Variants in BCKDHB observed in about 807,000 individuals in gnomAD.
BCKDHB encodes the protein 2-oxoisovalerate dehydrogenase subunit beta, mitochondrial.
Under a neutral mutation model 48.5 loss-of-function variants are expected in BCKDHB, and 41 were observed. The ratio of observed to expected loss-of-function variants is 0.85; its 90% CI spans 0.66 to 1.10. The LOEUF (loss-of-function observed/expected upper bound fraction) is 1.10, where lower values mean the gene tolerates loss of function less well. Ranked by LOEUF, BCKDHB falls within the 50% of genes least tolerant of loss-of-function variation. BCKDHB has a pLI of 0.00. For synonymous variants in BCKDHB, 201 were observed against 174.8 expected (o/e 1.15, Z -1.18); for missense variants, 496 against 494.2 (o/e 1.00, Z -0.03).
At chr6:80,163,032 C>T (rs1298737203) in intron 3 of BCKDHB, among the ~76,000 whole-genome samples, 5 of 151,836 alleles carry the variant, frequency 3.3e-5, no homozygotes, top group Non-Finnish European at 7.4e-5. Context: ...AAATGATCCT[C>T]CCACCTTAGC....
the BCKDHB span, among the ~76,000 whole-genome samples, chr6:80,353,015 A>T: frequency 3.9e-5 from 6 of 152,222 alleles, no homozygotes; most frequent in African/African-American, 7.2e-5. Context: ...CAGATAACAT[A>T]CATTGTACCC....
chr6:80,255,601 A>G (rs1777016683), intron 8 of BCKDHB, among the ~76,000 whole-genome samples: 1 of 152,168 alleles, frequency 6.6e-6, no homozygotes, highest in South Asian at 2.1e-4. Context: ...TAATGTGGAG[A>G]AAATAATCAG....
At chr6:80,415,871 G>A in the BCKDHB span, among the ~76,000 whole-genome samples, 1 of 151,628 alleles carries the variant, frequency 6.6e-6, no homozygotes, top group Non-Finnish European at 1.5e-5. Flanking sequence ...TGTAAATGTT[G>A]TAGAATTCAC....
At chr6:80,438,574 A>C in the BCKDHB span, among the ~76,000 whole-genome samples, 41 of 152,232 alleles carry the variant, frequency 2.7e-4, no homozygotes, top group Non-Finnish European at 5.4e-4. Flanking sequence ...TGAAATTCCA[A>C]GATTCCTCAT....
chr6:80,144,470 G>A (rs955646351), intron 3 of BCKDHB, among the ~76,000 whole-genome samples: 1 of 152,110 alleles, frequency 6.6e-6, no homozygotes, highest in African/African-American at 2.4e-5. Flanking sequence ...TACATTTAAT[G>A]CACTAGTTGT....
downstream of BCKDHB, among the ~76,000 whole-genome samples, chr6:80,346,617 T>G (rs973206687): frequency 4.6e-5 from 7 of 152,164 alleles, no homozygotes; most frequent in African/African-American, 1.7e-4. Flanking sequence ...AACTGCCAAG[T>G]TTTAGCTGTA....
intron 3 of BCKDHB, among the ~76,000 whole-genome samples, chr6:80,135,311 G>A (rs1770831685): frequency 1.3e-5 from 2 of 151,946 alleles, no homozygotes; most frequent in Non-Finnish European, 2.9e-5. Context: ...GAAAAAAACA[G>A]GATAAAATTC....
the BCKDHB span, among the ~76,000 whole-genome samples, chr6:80,396,639 T>C: frequency 5.3e-5 from 8 of 152,210 alleles, no homozygotes; most frequent in Non-Finnish European, 8.8e-5. Context: ...TGGGAGATAA[T>C]TGAATCACGG....
the BCKDHB span, among the ~76,000 whole-genome samples, chr6:80,384,286 TC>T: frequency 6.6e-6 from 1 of 151,850 alleles, no homozygotes; most frequent in Non-Finnish European, 1.5e-5. Context: ...CACAGGTTTC[TC>T]CCATGCTGGA....
chr6:80,236,526 A>T (rs1776153905), intron 8 of BCKDHB, among the ~76,000 whole-genome samples: 1 of 152,258 alleles, frequency 6.6e-6, no homozygotes, highest in East Asian at 1.9e-4. Flanking sequence ...TATTGTTTAC[A>T]TGGGTAAAAA....
intron 3 of BCKDHB, among the ~76,000 whole-genome samples, chr6:80,162,123 T>C (rs1197807820): frequency 6.6e-6 from 1 of 152,192 alleles, no homozygotes; most frequent in African/African-American, 2.4e-5. Flanking sequence ...GGGGCACTCA[T>C]GTTGCCTGCC....
intron 9 of BCKDHB, among the ~76,000 whole-genome samples, chr6:80,315,773 C>T (rs917056302): frequency 7.2e-5 from 11 of 152,082 alleles, no homozygotes; most frequent in Admixed American, 5.2e-4. Flanking sequence ...CATGAGCCAC[C>T]GCAACTGGCC....
chr6:80,323,277 T>C (rs930857763), intron 9 of BCKDHB, among the ~76,000 whole-genome samples: 1 of 152,246 alleles, frequency 6.6e-6, no homozygotes, highest in Non-Finnish European at 1.5e-5. Context: ...TTTCTTCATT[T>C]GTTTTCTGCT....
At chr6:80,332,552 T>C (rs3812118) in intron 9 of BCKDHB, among the ~76,000 whole-genome samples, 43,300 of 151,934 alleles carry the variant, frequency 0.28, 6,296 homozygotes, top group Middle Eastern at 0.32. Flanking sequence ...ACTATGTTTA[T>C]GTAAAATATT....
intron 3 of BCKDHB, among the ~76,000 whole-genome samples, chr6:80,130,981 C>T (rs551512936): frequency 6.6e-6 from 1 of 152,218 alleles, no homozygotes; most frequent in East Asian, 1.9e-4. Context: ...CAACTCACTG[C>T]GTCAGGTACT....
chr6:80,430,815 C>G, the BCKDHB span, among the ~76,000 whole-genome samples: 2 of 151,812 alleles, frequency 1.3e-5, no homozygotes, highest in East Asian at 3.9e-4. Context: ...GTGTCTCTAT[C>G]TCCTTCAATT....
intron 9 of BCKDHB, among the ~76,000 whole-genome samples, chr6:80,281,841 A>G (rs1778208655): frequency 1.3e-5 from 2 of 148,544 alleles, no homozygotes; most frequent in African/African-American, 4.9e-5. Flanking sequence ...CCATTTTCCT[A>G]ATAAACTCTA....
Position 80,307,128 on chromosome 6 carries a change from C to T in BCKDHB, c.1038+33907C>T, listed in dbSNP as rs565437421. 7.9e-5 allele frequency among the ~76,000 whole-genome samples: 12 copies of T among 152,236 alleles called. No homozygotes were observed. In the South Asian group the frequency reaches 1.7e-3, roughly 21 times the overall value. On this transcript the variant is annotated intron_variant, in intron 9 of 9. Transcript: ENST00000320393. ...TGTCTTCACCACCAACTTTTCTTTC[C>T]CAAGAGGCATAATGGCCTTGAAGAA...
chr6:80,215,601 A>G (rs1003349969), intron 8 of BCKDHB, among the ~76,000 whole-genome samples: 2 of 152,236 alleles, frequency 1.3e-5, no homozygotes, highest in African/African-American at 4.8e-5. Context: ...AAGAAATTAA[A>G]GAACTGGTAA....
Sources: gnomAD v4.1 joint callset for allele counts (sites outside exome capture counted in the v4.1 genomes callset) on GRCh38, gnomAD v4.1.1 for gene constraint, MANE v1.5 for transcripts, NCBI Gene and HGNC (gene_info 2026-07-23, HGNC 2026-07-21) for gene names.